Variants in NEK5 observed in about 807,000 individuals in gnomAD.
NEK5 encodes serine/threonine-protein kinase Nek5.
A neutral mutation model predicts 109.2 loss-of-function variants in NEK5; 88 were observed. The ratio of observed to expected loss-of-function variants is 0.81; its 90% confidence interval spans 0.68 to 0.96. The LOEUF (loss-of-function observed/expected upper bound fraction) is 0.96. NEK5 is among the 40% of genes least tolerant of loss of function. NEK5 has a pLI of 0.00. For missense variants in NEK5, 834 were observed against 920.7 expected (o/e 0.91, Z 1.22); for synonymous variants, 283 against 299.9 (o/e 0.94, Z 0.58).
chr13:52,061,373 G>A (rs375397451), intron 22 of NEK5, among the ~76,000 whole-genome samples: 1 of 152,162 alleles, frequency 6.6e-6, no homozygotes, highest in South Asian at 2.1e-4. Context: ...TCTGCGGCCC[G>A]AGGGTTGGGG....
chr13:52,103,769 G>A (rs1955590949), intron 9 of NEK5, among the ~76,000 whole-genome samples: 1 of 152,144 alleles, frequency 6.6e-6, no homozygotes, highest in Non-Finnish European at 1.5e-5. Context: ...AAAAATCCTG[G>A]GCACTGGGTA....
chr13:52,100,861 C>T (rs1734373801), intron 11 of NEK5, among the ~76,000 whole-genome samples: 1 of 152,190 alleles, frequency 6.6e-6, no homozygotes, highest in East Asian at 1.9e-4. Context: ...CAAAGAGGCT[C>T]ATTCACTTTC....
chr13:52,059,239 C>G (rs1234711729), intron 22 of NEK5, among the ~76,000 whole-genome samples: 1 of 45,126 alleles, frequency 2.2e-5, no homozygotes, highest in Non-Finnish European at 4.4e-5. Flanking sequence ...AAATGCAAAT[C>G]AAAACCACAA....
intron 4 of NEK5, among the ~76,000 whole-genome samples, chr13:52,118,702 G>A (rs1250373136): frequency 1.3e-5 from 2 of 152,080 alleles, no homozygotes; most frequent in African/African-American, 4.8e-5. Flanking sequence ...CCCCCTCTCC[G>A]TGGCAGTGTG....
chr13:52,116,433 C>G (rs895307276), intron 4 of NEK5, among the ~76,000 whole-genome samples: 1 of 151,836 alleles, frequency 6.6e-6, no homozygotes, highest in Admixed American at 6.6e-5. Flanking sequence ...GAGGCCATGG[C>G]GAGAGGATCA....
intron 19 of NEK5, among the ~76,000 whole-genome samples, chr13:52,073,518 T>C (rs374146949): frequency 6.6e-6 from 1 of 152,090 alleles, no homozygotes; most frequent in Non-Finnish European, 1.5e-5. Context: ...GGTTTCACCA[T>C]GTTAGCCAGG....
At chr13:52,080,055 T>TCCGCCCGGCAG (rs1954959371) in intron 17 of NEK5, among the ~76,000 whole-genome samples, 1 of 147,034 alleles carries the variant, frequency 6.8e-6, no homozygotes, top group South Asian at 2.2e-4. Flanking sequence ...GAGGAGCCCC[T>TCCGCCCGGCAG]CCGCCCGGCA....
chr13:52,065,451 C>T (rs1389921227), intron 21 of NEK5, 33 bp downstream of exon 21: 10 of 1,614,194 alleles, frequency 6.2e-6, no homozygotes, highest in Middle Eastern at 1.6e-4. Context: ...TTGGTCTTCC[C>T]TTCCTGACGA....
chr13:52,108,054 A>G (rs1384207227), intron 8 of NEK5, among the ~76,000 whole-genome samples: 1 of 152,168 alleles, frequency 6.6e-6, no homozygotes, highest in African/African-American at 2.4e-5. Flanking sequence ...CGGTCTGGTG[A>G]TAATTTCCAG....
chr13:52,087,532 TATAA>T, intron 14 of NEK5, 78 bp from the exon 15 acceptor site: 4 of 747,712 alleles, frequency 5.3e-6, no homozygotes, highest in Non-Finnish European at 9.0e-6. Context: ...GACTTTTTCC[TATAA>T]ATAAGAATTA....
At chr13:52,091,197 T>C (rs906494629) in intron 13 of NEK5, among the ~76,000 whole-genome samples, 4 of 152,116 alleles carry the variant, frequency 2.6e-5, no homozygotes, top group African/African-American at 4.8e-5. Flanking sequence ...TTGGGAGATA[T>C]AAAATCACAT....
intron 4 of NEK5, among the ~76,000 whole-genome samples, chr13:52,114,071 C>G (rs985332310): frequency 6.6e-6 from 1 of 152,210 alleles, no homozygotes; most frequent in Non-Finnish European, 1.5e-5. Flanking sequence ...ATTTTCTGCT[C>G]TAACCAGCTT....
intron 21 of NEK5, among the ~76,000 whole-genome samples, chr13:52,064,301 G>A (rs1296795512): frequency 2.1e-5 from 3 of 140,146 alleles, no homozygotes; most frequent in African/African-American, 7.8e-5. Context: ...CGCCCCTACT[G>A]GGAAGTGAGG....
Position 52,037,153 on chromosome 13 carries a change from G to A in NEK5, c.2294C>T (p.Thr765Ile), listed in dbSNP as rs1954367310. 1 of 985,138 alleles carries A rather than the reference G, an allele frequency of 1.0e-6. No homozygotes were observed. Among genetic ancestry groups the A allele is most frequent in the Non-Finnish European group, 1.2e-6 (1 of 829,696 alleles). The allele number at this position is 985,138 out of a possible 1,614,324, so 61.0% of individuals were successfully genotyped here. A position where few individuals can be genotyped will look rare whatever the true frequency, so the allele number is the denominator to read the frequency against. Reference sequence around the variant, plus strand: ...TTCTGTTTTTTCTTCCCCTTTGAAAGTAGCGAGTTTTTCTAAGTATTCTAC... The same window carrying A: ...TTCTGTTTTTTCTTCCCCTTTGAAAATAGCGAGTTTTTCTAAGTATTCTAC... ...EVVEYLEKLA[T>I]FKGEEKTEEA... Residue 765 changes from threonine to isoleucine, a missense_variant, in exon 24 of 24, where the codon ACT (threonine) becomes ATT (isoleucine). Transcript: ENST00000684899.
At chr13:52,096,422 A>G (rs1955417834) in intron 12 of NEK5, among the ~76,000 whole-genome samples, 1 of 152,194 alleles carries the variant, frequency 6.6e-6, no homozygotes. Flanking sequence ...TGGTCAATAA[A>G]GTCCAGGCTA....
rs185329734 is a variant in NEK5 at position 52,041,830 on chromosome 13, A to C, written c.2229-4612T>G. Among the ~76,000 whole-genome samples, 266 of 152,002 alleles carry C rather than the reference A, an allele frequency of 1.7e-3. 1 individual carries two copies. The highest frequency in any genetic ancestry group is 6.0e-3 in the African/African-American group (249 of 41,512). ...GGTACTACTGGAGATAATTGAGAAGATAAAAAATATATCTAATATCTAATT... is the reference window on the plus strand; with the variant it reads ...GGTACTACTGGAGATAATTGAGAAGCTAAAAAATATATCTAATATCTAATT... On this transcript the variant is annotated intron_variant, in intron 23 of 23. Transcript: ENST00000684899.
At chr13:52,047,151 G>A (rs1954466890) in intron 23 of NEK5, among the ~76,000 whole-genome samples, 1 of 151,162 alleles carries the variant, frequency 6.6e-6, no homozygotes, top group African/African-American at 2.5e-5. Context: ...GTTAATAGGT[G>A]TAACCTCTGT....
At chr13:52,083,202 C>T (rs879517646) in intron 17 of NEK5, 58 bp downstream of exon 17, 17 of 1,184,646 alleles carry the variant, frequency 1.4e-5, no homozygotes, top group Non-Finnish European at 2.0e-5. Context: ...GGGTAAGAGC[C>T]ACTTGGGGTA....
At chr13:52,049,357 G>A (rs961820038) in intron 23 of NEK5, among the ~76,000 whole-genome samples, 14 of 152,098 alleles carry the variant, frequency 9.2e-5, no homozygotes, top group African/African-American at 3.1e-4. Context: ...CCAGGAATTC[G>A]AGGCTACAGT....
Sources: allele counts gnomAD v4.1 joint callset (sites outside exome capture counted in the v4.1 genomes callset), GRCh38; gene constraint gnomAD v4.1.1; transcripts MANE v1.5; gene names NCBI Gene and HGNC (gene_info 2026-07-23, HGNC 2026-07-21).